OR51M1: variants seen among roughly 807,000 people sequenced by gnomAD.
OR51M1 encodes the protein olfactory receptor 51M1.
For synonymous variants in OR51M1, 199 were observed against 155.1 expected (o/e 1.28, Z -2.10); for missense variants, 509 against 404.4 (o/e 1.26, Z -2.22).
At chr11:5,388,973 A>C (rs1327937255) in intron 2 of OR51M1, among the ~76,000 whole-genome samples, 1 of 152,188 alleles carries the variant, frequency 6.6e-6, no homozygotes, top group Non-Finnish European at 1.5e-5. Flanking sequence ...AAAAGTACAG[A>C]TGTTGCTAGA....
intron 2 of OR51M1, among the ~76,000 whole-genome samples, chr11:5,386,235 G>A (rs1428653446): frequency 6.6e-6 from 1 of 151,948 alleles, no homozygotes; most frequent in Non-Finnish European, 1.5e-5. Flanking sequence ...AGAAAAAAAT[G>A]ATATGGGTGT....
chr11:5,389,293 A>G (rs1849751586), intron 2 of OR51M1, 91 bp from the exon 3 acceptor site: 2 of 1,082,008 alleles, frequency 1.8e-6, no homozygotes, highest in Admixed American at 1.9e-5. Flanking sequence ...AGATAATACT[A>G]AAGGTGATGA....
intron 1 of OR51M1, among the ~76,000 whole-genome samples, chr11:5,385,043 A>C (rs1309336671): frequency 6.6e-6 from 1 of 152,218 alleles, no homozygotes; most frequent in Non-Finnish European, 1.5e-5. Flanking sequence ...AAACAAAAGA[A>C]TATTTAGACA....
At position 5,390,808 on chromosome 11, in the gene OR51M1, A is replaced by C. The variant is rs2340320; in HGVS notation, c.*429A>C. On this transcript the variant is annotated 3_prime_UTR_variant, in exon 3 of 3. Transcript: ENST00000642046. ...GGTTCCTTGGGACTGCTTCCATCTTATCTACCTGGCCAAGTTTCTTCTCAT... is the reference window on the plus strand; with the variant it reads ...GGTTCCTTGGGACTGCTTCCATCTTCTCTACCTGGCCAAGTTTCTTCTCAT... 0.79 allele frequency: 123,835 copies of C among 157,044 alleles called. 49,211 individuals carry two copies. Among genetic ancestry groups the C allele is most frequent in the Middle Eastern group, 0.84 (253 of 302 alleles). The allele number at this position is 157,044 out of a possible 1,614,324, so 9.7% of individuals were successfully genotyped here.
At position 5,392,939 on chromosome 11, in the gene OR51M1, A is replaced by C. The variant is rs962325033; in HGVS notation, c.*2560A>C. 3 of 149,966 alleles carry C rather than the reference A, an allele frequency of 2.0e-5. No homozygotes were observed. The highest frequency in any genetic ancestry group is 3.0e-5 in the Non-Finnish European group (2 of 67,356). 9.3% of individuals were successfully genotyped at this position (149,966 alleles called of 1,614,324 possible). A position where few individuals can be genotyped will look rare whatever the true frequency, so the allele number is the denominator to read the frequency against. ...AAACAAAAAAAAAGAAAAATAAATAAATATCTGTGCTGTTAAGTATGTGGT... is the reference window on the plus strand; with the variant it reads ...AAACAAAAAAAAAGAAAAATAAATACATATCTGTGCTGTTAAGTATGTGGT... On this transcript the variant is annotated 3_prime_UTR_variant, in exon 3 of 3. Transcript: ENST00000642046.
rs1849808704 is a variant in OR51M1, at chr11:5,392,376, T to TA, written c.*1998dup. The TA allele has an allele frequency of 6.6e-6, 1 of 152,244 alleles. No individual in the cohort carries two copies. The highest frequency in any genetic ancestry group is 6.5e-5 in the Admixed American group (1 of 15,286). 9.4% of individuals were successfully genotyped at this position (152,244 alleles called of 1,614,324 possible). On this transcript the variant is annotated 3_prime_UTR_variant, in exon 3 of 3. Transcript: ENST00000642046. ...CTTCTCCATGTTGAGAGGAAATTCC[T>TA]ATTCTATAGATCTCATTTGGTAGAA...
At position 5,392,132 on chromosome 11, in the gene OR51M1, T is replaced by C. The variant is rs1323118029; in HGVS notation, c.*1753T>C. 6.6e-6 allele frequency: 1 copy of C among 152,288 alleles called. No individual in the cohort carries two copies. The highest frequency in any genetic ancestry group is 6.5e-5 in the Admixed American group (1 of 15,300). The allele number at this position is 152,288 out of a possible 1,614,324, so 9.4% of individuals were successfully genotyped here. A position where few individuals can be genotyped will look rare whatever the true frequency, so the allele number is the denominator to read the frequency against. On this transcript the variant is annotated 3_prime_UTR_variant, in exon 3 of 3. Transcript: ENST00000642046. ...AAGAACCAAACTCTAAAAATATGTA[T>C]GTATGTTTGTGCGGTTTCTTGTGTA... is the stretch of plus-strand genomic sequence containing the variant.
chr11:5,390,132 A>T lies in OR51M1; in HGVS notation c.734A>T (p.Glu245Val). 1 of 1,613,724 alleles carries T rather than the reference A, an allele frequency of 6.2e-7. No individual in the cohort carries two copies. The highest frequency in any genetic ancestry group is 8.5e-7 in the Non-Finnish European group (1 of 1,179,828). Reference protein sequence around the residue: ...HTVAGLASQEEQRRAFQTCTA... With the variant: ...HTVAGLASQEVQRRAFQTCTA... ...GTAGCAGGCCTGGCCTCCCAAGAGG[A>T]GCAGCGCCGTGCCTTTCAGACATGC... Residue 245 changes from glutamate to valine, a missense_variant, in exon 3 of 3, where the codon GAG (glutamate) becomes GTG (valine). Physicochemically the swap from Glu to Val is moderately radical, Grantham distance 121 (BLOSUM62 -2). Transcript: ENST00000642046.
At chr11:5,384,147 T>A (rs12365474) in intron 1 of OR51M1, among the ~76,000 whole-genome samples, 29,240 of 152,080 alleles carry the variant, frequency 0.19, 3,101 homozygotes, top group African/African-American at 0.29. Context: ...TGGGATTTTT[T>A]TTTCTTTGTT....
chr11:5,385,672 G>T (rs10837971), intron 2 of OR51M1, among the ~76,000 whole-genome samples: 27,244 of 150,828 alleles, frequency 0.18, 2,621 homozygotes, highest in African/African-American at 0.25. Context: ...TAAAGAATAC[G>T]TATAAATACT....
rs1316325389 is a variant in OR51M1 at position 5,392,457 on chromosome 11, C to T, written c.*2078C>T. ...AGATTAGCACTGAAGTCCCATTTTG[C>T]CTCTTATTAACAAATAGACCACTGA... On this transcript the variant is annotated 3_prime_UTR_variant, in exon 3 of 3. Coordinates refer to ENST00000642046, the MANE Select transcript of OR51M1 (RefSeq NM_001004756.3). 7 of 152,138 alleles carry T rather than the reference C, an allele frequency of 4.6e-5. No homozygotes were observed. The highest frequency in any genetic ancestry group is 1.7e-4 in the African/African-American group (7 of 41,420). 9.4% of individuals were successfully genotyped at this position (152,138 alleles called of 1,614,324 possible).
intron 1 of OR51M1, among the ~76,000 whole-genome samples, chr11:5,384,206 GCT>G (rs1452221739): frequency 2.0e-5 from 3 of 152,086 alleles, no homozygotes; most frequent in East Asian, 3.9e-4. Flanking sequence ...ATGAGGTCTA[GCT>G]CTGTTACCCA....
In OR51M1 at chr11:5,390,220, C is replaced by A. The variant is rs752694339; in HGVS notation, c.822C>A (p.His274Gln). The change falls in exon 3 of 3, where the codon CAC becomes CAA. Residue 274 changes from histidine (H) to glutamine (Q), a missense_variant. By Grantham distance (24) the His-to-Gln change is conservative. Coordinates refer to ENST00000642046, the MANE Select transcript of OR51M1 (RefSeq NM_001004756.3). ...CCATGATGGGGCTGTCCCTGGTGCA[C>A]CGTTTTGGGAAGCATGCCCCACCTG... The part of the protein sequence containing the change: ...FVPMMGLSLV[H>Q]RFGKHAPPAI... 1.9e-6 allele frequency: 3 copies of A among 1,614,038 alleles called. No homozygotes were observed. Among genetic ancestry groups the A allele is most frequent in the Admixed American group, 3.3e-5 (2 of 60,032 alleles).
intron 2 of OR51M1, among the ~76,000 whole-genome samples, chr11:5,387,782 C>T (rs1471413867): frequency 1.3e-5 from 2 of 152,158 alleles, no homozygotes; most frequent in African/African-American, 4.8e-5. Flanking sequence ...TTGATTTCTT[C>T]TCTAAAATTA....
At chr11:5,388,208 C>T (rs1355603740) in intron 2 of OR51M1, among the ~76,000 whole-genome samples, 1 of 151,236 alleles carries the variant, frequency 6.6e-6, no homozygotes, top group East Asian at 1.9e-4. Context: ...GATATGGTGG[C>T]TAAAAAAGTC....
Position 5,389,646 on chromosome 11 carries a change from TG to T in OR51M1, c.252del (p.Leu85CysfsTer45). On this transcript the variant is annotated frameshift_variant, in exon 3 of 3. Transcript: ENST00000642046. LOFTEE classifies it low-confidence loss of function (END_TRUNC). The part of the protein sequence containing the change: ...YLLSLLALTD[L>X]GLCVSTLPTT... ...CTATCCTTGCTGGCCCTCACTGACC[TG>T]GGGCTGTGTGTGTCCACGTTGCCCA... The T allele has an allele frequency of 6.2e-7, 1 of 1,613,688 alleles. No individual in the cohort carries two copies. Among genetic ancestry groups the T allele is most frequent in the Non-Finnish European group, 8.5e-7 (1 of 1,179,890 alleles).
rs373411483 is a variant in OR51M1, at chr11:5,389,438, C to T, written c.40C>T (p.Leu14=). The change falls in exon 3 of 3, where the codon CTA becomes TTA. Residue 14 remains leucine (L), a synonymous_variant. Transcript: ENST00000642046. ...TTCGCTCAGTCCTCAATTCATGCTG[C>T]TATCCAACATTACTCAGTTTAGCCC... ...QYSLSPQFML[L]SNITQFSPIF... The T allele has an allele frequency of 5.6e-6, 9 of 1,613,904 alleles. No individual in the cohort carries two copies. The highest frequency in any genetic ancestry group is 1.6e-4 in the Middle Eastern group (1 of 6,062).
rs116479174 is a variant in OR51M1, at chr11:5,390,425, A to G, written c.*46A>G. ...CCTAGAGGCCTATAAGAAGGCCCCA[A>G]ATTGGACTGAAAATTTGGAGTATTG... On this transcript the variant is annotated 3_prime_UTR_variant, in exon 3 of 3. Coordinates refer to ENST00000642046, the MANE Select transcript of OR51M1 (RefSeq NM_001004756.3). The G allele has an allele frequency of 6.4e-5, 94 of 1,472,070 alleles. No individual in the cohort carries two copies. The African/African-American group carries it at 1.2e-3, about 19-fold the overall frequency. 91.2% of individuals were successfully genotyped at this position (1,472,070 alleles called of 1,614,324 possible).
At chr11:5,384,386 G>T (rs12360746) in intron 1 of OR51M1, among the ~76,000 whole-genome samples, 19,367 of 152,166 alleles carry the variant, frequency 0.13, 1,347 homozygotes, top group Non-Finnish European at 0.16. Flanking sequence ...AGAAACCAGG[G>T]TTCTCACAGA....
Sources: allele counts gnomAD v4.1 joint callset (sites outside exome capture counted in the v4.1 genomes callset), GRCh38; gene constraint gnomAD v4.1.1; transcripts MANE v1.5; gene names NCBI Gene and HGNC (gene_info 2026-07-23, HGNC 2026-07-21).